The following TSNARE1 variants were observed in gnomAD, a reference collection of about 807,000 sequenced individuals.
The protein encoded by TSNARE1 is t-SNARE domain containing 1, also known as t-SNARE domain-containing protein 1.
TSNARE1 carries 49 observed loss-of-function variants against 62.0 expected under a neutral mutation model. The observed-to-expected ratio is 0.79, with a 90% confidence interval of 0.63 to 1.00. The LOEUF (loss-of-function observed/expected upper bound fraction) is 1.00. Ranked by LOEUF, TSNARE1 falls within the 50% of genes least tolerant of loss-of-function variation. TSNARE1 has a pLI of 0.00. For missense variants in TSNARE1, 755 were observed against 700.1 expected, an observed-to-expected ratio of 1.08 and a Z score of -0.88; for synonymous variants, 328 against 294.4, an observed-to-expected ratio of 1.11 and a Z score of -1.17.
intron 4 of TSNARE1, 39 bp downstream of exon 4, chr8:142,343,926 GA>G: frequency 4.0e-6 from 6 of 1,491,500 alleles, no homozygotes; most frequent in Non-Finnish European, 5.4e-6. Flanking sequence ...CTGCTGGACA[GA>G]GTGGCACCCT....
intron 1 of TSNARE1, among the ~76,000 whole-genome samples, chr8:142,400,564 C>A (rs997889775): frequency 2.6e-5 from 4 of 151,946 alleles, no homozygotes; most frequent in African/African-American, 4.8e-5. Context: ...CATGATGAAA[C>A]CCCGTCTCTA....
chr8:142,378,037 A>T (rs527846152), intron 1 of TSNARE1, among the ~76,000 whole-genome samples: 2 of 152,284 alleles, frequency 1.3e-5, no homozygotes, highest in South Asian at 4.1e-4. Flanking sequence ...GTCCTTTCTG[A>T]TATCAAGACG....
At chr8:142,335,782 T>C (rs2129696341) in intron 4 of TSNARE1, among the ~76,000 whole-genome samples, 1 of 152,350 alleles carries the variant, frequency 6.6e-6, no homozygotes, top group Admixed American at 6.5e-5. Flanking sequence ...ATGTAGATTT[T>C]AATTAATTAA....
chr8:142,365,971 G>A, intron 1 of TSNARE1: 1 of 437,582 alleles, frequency 2.3e-6, no homozygotes, highest in South Asian at 1.7e-5. Flanking sequence ...GTTTTGTAGA[G>A]GAATTTGGCT....
At chr8:142,269,563 A>C in intron 12 of TSNARE1, 7 of 984,022 alleles carry the variant, frequency 7.1e-6, no homozygotes, top group Non-Finnish European at 8.4e-6. Flanking sequence ...TCCTGGCCTC[A>C]AGTGATCTTC....
chr8:142,309,215 G>A (rs937180216), intron 9 of TSNARE1, among the ~76,000 whole-genome samples: 3 of 152,120 alleles, frequency 2.0e-5, no homozygotes, highest in African/African-American at 4.8e-5. Flanking sequence ...TAATCACACT[G>A]TCTATGAAAC....
intron 1 of TSNARE1, among the ~76,000 whole-genome samples, chr8:142,377,511 T>G (rs1673493930): frequency 6.6e-6 from 1 of 152,176 alleles, no homozygotes. Flanking sequence ...AGACATAACA[T>G]GAACTAAGTC....
chr8:142,343,905 G>C (rs1832985188), intron 4 of TSNARE1, 61 bp downstream of exon 4: 4 of 1,419,510 alleles, frequency 2.8e-6, no homozygotes, highest in South Asian at 3.2e-5. Context: ...GCCAAGATGG[G>C]CCCCCCCCTC....
chr8:142,243,038 T>C (rs6583607), intron 12 of TSNARE1, among the ~76,000 whole-genome samples: 80,332 of 150,336 alleles, frequency 0.53, 22,298 homozygotes, highest in African/African-American at 0.69. Flanking sequence ...AAAACCAAAA[T>C]GAAGTATCGC....
chr8:142,347,886 T>C (rs1306194468), intron 2 of TSNARE1, among the ~76,000 whole-genome samples: 7 of 148,428 alleles, frequency 4.7e-5, no homozygotes, highest in East Asian at 2.0e-4. Context: ...CAGAAGGACA[T>C]GTCATCACCT....
intron 1 of TSNARE1, among the ~76,000 whole-genome samples, chr8:142,394,683 T>A (rs1240157940): frequency 2.6e-5 from 4 of 152,088 alleles, no homozygotes; most frequent in Non-Finnish European, 5.9e-5. Context: ...ACCTCTCAGG[T>A]TGGACAGAAA....
intron 12 of TSNARE1, among the ~76,000 whole-genome samples, chr8:142,263,540 CTTTTTA>C (rs1236607111): frequency 6.6e-6 from 1 of 152,134 alleles, no homozygotes. Context: ...AATTTCCCCT[CTTTTTA>C]TTTTTCTTTG....
chr8:142,274,648 G>A (rs1359391205), intron 12 of TSNARE1, 133 bp downstream of exon 12: 1 of 1,363,260 alleles, frequency 7.3e-7, no homozygotes, highest in Non-Finnish European at 9.5e-7. Flanking sequence ...GACTGGTTCA[G>A]AGGAGGCCTG....
chr8:142,231,131 C>A (rs1214004345), intron 12 of TSNARE1, among the ~76,000 whole-genome samples: 1 of 152,192 alleles, frequency 6.6e-6, no homozygotes, highest in African/African-American at 2.4e-5. Context: ...GACCAGCCCC[C>A]AGCTCAGCTC....
chr8:142,282,472 C>G (rs1821703029), intron 11 of TSNARE1, among the ~76,000 whole-genome samples: 3 of 151,794 alleles, frequency 2.0e-5, no homozygotes, highest in Admixed American at 6.6e-5. Flanking sequence ...GGGGAGGCCA[C>G]TGTCTGTCAA....
intron 13 of TSNARE1, among the ~76,000 whole-genome samples, chr8:142,228,138 G>A (rs923782030): frequency 2.0e-5 from 3 of 152,208 alleles, no homozygotes; most frequent in African/African-American, 7.2e-5. Context: ...TGCAGCAATG[G>A]CCAACATCTA....
At chr8:142,289,217 C>G (rs1434735131) in intron 10 of TSNARE1, among the ~76,000 whole-genome samples, 2 of 152,230 alleles carry the variant, frequency 1.3e-5, no homozygotes, top group African/African-American at 4.8e-5. Context: ...GCCTGAACAG[C>G]AGCTCGGGCT....
rs1378765195 is a variant in TSNARE1 at position 142,313,667 on chromosome 8, CTG to C, written c.1131+715_1131+716del. 4.6e-5 allele frequency among the ~76,000 whole-genome samples: 7 copies of C among 151,632 alleles called. No individual in the cohort carries two copies. The East Asian group carries it at 1.4e-3, about 29-fold the overall frequency. The stretch of plus-strand genomic sequence containing the variant: ...TCTGTCTCTGCAAGTCTCTGTGTGT[CTG>C]TGTCTCTGTGTGTTTATCTCTGTGC... On this transcript the variant is annotated intron_variant, in intron 9 of 13. Coordinates refer to ENST00000524325, the MANE Select transcript of TSNARE1 (RefSeq NM_145003.5).
At chr8:142,260,240 A>G (rs1294451055) in intron 12 of TSNARE1, among the ~76,000 whole-genome samples, 1 of 152,192 alleles carries the variant, frequency 6.6e-6, no homozygotes, top group East Asian at 1.9e-4. Flanking sequence ...AAGAAAGTAG[A>G]AAAAGTCAAA....
Sources: gnomAD v4.1 joint callset for allele counts (sites outside exome capture counted in the v4.1 genomes callset) on GRCh38, gnomAD v4.1.1 for gene constraint, MANE v1.5 for transcripts, NCBI Gene and HGNC (gene_info 2026-07-23, HGNC 2026-07-21) for gene names.